OSBPL8: variants seen among roughly 807,000 people sequenced by gnomAD.
OSBPL8 encodes oxysterol binding protein like 8, also known as oxysterol-binding protein-related protein 8.
A neutral mutation model predicts 125.5 loss-of-function variants in OSBPL8; 59 were observed. The ratio of observed to expected loss-of-function variants is 0.47; its 90% CI spans 0.38 to 0.58. OSBPL8 has a LOEUF of 0.58. Ranked by LOEUF, OSBPL8 falls within the 20% of genes least tolerant of loss-of-function variation. OSBPL8 has a pLI of 0.00. For missense variants in OSBPL8, 758 were observed against 1,047.8 expected, an observed-to-expected ratio of 0.72 and a Z score of 3.82; for synonymous variants, 330 against 338.9, an observed-to-expected ratio of 0.97 and a Z score of 0.29.
intron 1 of OSBPL8, among the ~76,000 whole-genome samples, chr12:76,507,421 T>G (rs568356239): frequency 6.6e-6 from 1 of 151,860 alleles, no homozygotes; most frequent in African/African-American, 2.4e-5. Flanking sequence ...CTTTCTCTTA[T>G]GGCAACAAGT....
chr12:76,412,174 A>G (rs1195921451), intron 4 of OSBPL8, among the ~76,000 whole-genome samples: 1 of 152,148 alleles, frequency 6.6e-6, no homozygotes, highest in African/African-American at 2.4e-5. Context: ...ACTGTGGAAA[A>G]TTAGACAGCA....
intron 4 of OSBPL8, among the ~76,000 whole-genome samples, chr12:76,443,060 A>G (rs1052557830): frequency 6.6e-6 from 1 of 152,174 alleles, no homozygotes; most frequent in African/African-American, 2.4e-5. Flanking sequence ...CAAAACTAAA[A>G]ACAGATATTT....
At chr12:76,373,224 T>G in intron 18 of OSBPL8, 120 bp downstream of exon 18, 1 of 579,200 alleles carries the variant, frequency 1.7e-6, no homozygotes, top group South Asian at 3.1e-5. Context: ...GCTATTAAGA[T>G]GAAGCTTATG....
At chr12:76,416,671 T>A (rs1212347045) in intron 4 of OSBPL8, among the ~76,000 whole-genome samples, 1 of 152,108 alleles carries the variant, frequency 6.6e-6, no homozygotes, top group African/African-American at 2.4e-5. Context: ...TTTTTATCCC[T>A]AGTCCTTCCC....
In OSBPL8 at chr12:76,422,630, C is replaced by T. The variant is rs746707850; in HGVS notation, c.218-11996G>A. 345 of 456,374 alleles carry T rather than the reference C, an allele frequency of 7.6e-4. 4 individuals are homozygous for T. Among genetic ancestry groups the T allele is most frequent in the South Asian group, 2.6e-4 (17 of 64,534 alleles). The allele number at this position is 456,374 out of a possible 1,614,324, so 28.3% of individuals were successfully genotyped here. A position where few individuals can be genotyped will look rare whatever the true frequency, so the allele number is the denominator to read the frequency against. On this transcript the variant is annotated intron_variant, in intron 4 of 23. Transcript: ENST00000261183. ...AACCCCAGTACAGGAAGAAAATCTA[C>T]GTTGTGAGCTCTCTTCTTTCATAGC...
At chr12:76,360,896 GC>G (rs1203354075) in intron 21 of OSBPL8, among the ~76,000 whole-genome samples, 1 of 152,214 alleles carries the variant, frequency 6.6e-6, no homozygotes, top group African/African-American at 2.4e-5. Context: ...CCTGGGCCCA[GC>G]CCATGAAACC....
intron 4 of OSBPL8, among the ~76,000 whole-genome samples, chr12:76,420,711 T>C (rs892447141): frequency 6.6e-6 from 1 of 152,074 alleles, no homozygotes; most frequent in African/African-American, 2.4e-5. Flanking sequence ...TCTAAAATAA[T>C]TTTTTCAATA....
intron 1 of OSBPL8, among the ~76,000 whole-genome samples, chr12:76,545,048 T>C (rs1950746886): frequency 6.6e-6 from 1 of 152,148 alleles, no homozygotes; most frequent in Non-Finnish European, 1.5e-5. Context: ...AGTTACTTAC[T>C]AGGAAAGATA....
chr12:76,540,115 A>G (rs545294756), intron 1 of OSBPL8, among the ~76,000 whole-genome samples: 2 of 152,308 alleles, frequency 1.3e-5, no homozygotes, highest in East Asian at 3.9e-4. Flanking sequence ...AAGTGTTCAC[A>G]GCTAGATTGA....
chr12:76,397,269 A>G (rs983352868), intron 8 of OSBPL8, among the ~76,000 whole-genome samples: 8 of 150,586 alleles, frequency 5.3e-5, no homozygotes, highest in Non-Finnish European at 1.2e-4. Flanking sequence ...AGGAAAGACC[A>G]TAAAAATAAA....
chr12:76,501,063 TTTA>T (rs1298966742), intron 1 of OSBPL8, among the ~76,000 whole-genome samples: 2 of 151,194 alleles, frequency 1.3e-5, no homozygotes, highest in African/African-American at 4.9e-5. Flanking sequence ...TTTGTAATTA[TTTA>T]TTGAGTAATT....
At chr12:76,394,188 G>A (rs1005250660) in intron 9 of OSBPL8, among the ~76,000 whole-genome samples, 7 of 152,128 alleles carry the variant, frequency 4.6e-5, no homozygotes, top group African/African-American at 1.7e-4. Context: ...TATCATTTAA[G>A]TTTTTCTCTC....
At position 76,354,303 on chromosome 12, in the gene OSBPL8, T is replaced by C. The variant is rs1951912384; in HGVS notation, c.*1586A>G. 6.6e-6 allele frequency: 1 copy of C among 151,886 alleles called. No individual in the cohort carries two copies. The highest frequency in any genetic ancestry group is 1.5e-5 in the Non-Finnish European group (1 of 67,764). The allele number at this position is 151,886 out of a possible 1,614,324, so 9.4% of individuals were successfully genotyped here. On this transcript the variant is annotated 3_prime_UTR_variant, in exon 24 of 24. Transcript: ENST00000261183. ...ACAGCATTATTTTGCCAAGAAAACA[T>C]GGGAAATGGTTCTTCACAGAAACCT...
intron 1 of OSBPL8, among the ~76,000 whole-genome samples, chr12:76,491,466 G>A (rs1878706511): frequency 6.6e-6 from 1 of 152,152 alleles, no homozygotes; most frequent in South Asian, 2.1e-4. Flanking sequence ...ATAAAGGCTG[G>A]TGAAAACATT....
At chr12:76,415,704 T>C (rs895571188) in intron 4 of OSBPL8, among the ~76,000 whole-genome samples, 5 of 152,228 alleles carry the variant, frequency 3.3e-5, no homozygotes, top group African/African-American at 1.2e-4. Flanking sequence ...CTCTTACATG[T>C]TTAATACATG....
At chr12:76,490,917 C>A (rs1350879884) in intron 1 of OSBPL8, among the ~76,000 whole-genome samples, 3 of 152,250 alleles carry the variant, frequency 2.0e-5, no homozygotes, top group South Asian at 2.1e-4. Flanking sequence ...TTCGCTCCTG[C>A]CAGTGCCCAA....
chr12:76,398,968 G>C (rs1953937371), intron 7 of OSBPL8, among the ~76,000 whole-genome samples: 1 of 152,198 alleles, frequency 6.6e-6, no homozygotes, highest in Admixed American at 6.5e-5. Flanking sequence ...AGTCAGCCAG[G>C]CCAGGCAACG....
intron 19 of OSBPL8, 198 bp downstream of exon 19, chr12:76,371,250 G>C (rs1200469290): frequency 4.3e-6 from 2 of 463,918 alleles, no homozygotes; most frequent in African/African-American, 2.0e-5. Flanking sequence ...GAGTAGTTTT[G>C]AGCTACAGAA....
At chr12:76,381,612 CTTT>C (rs1328472363) in intron 15 of OSBPL8, among the ~76,000 whole-genome samples, 1 of 152,074 alleles carries the variant, frequency 6.6e-6, no homozygotes, top group African/African-American at 2.4e-5. Context: ...ATGAAATGTT[CTTT>C]ATCTCTATTA....
Sources: allele counts gnomAD v4.1 joint callset (sites outside exome capture counted in the v4.1 genomes callset), GRCh38; gene constraint gnomAD v4.1.1; transcripts MANE v1.5; gene names NCBI Gene and HGNC (gene_info 2026-07-23, HGNC 2026-07-21).